Variants in PLCB4 observed in about 807,000 individuals in gnomAD.
PLCB4 encodes the protein phospholipase C beta 4, also known as 1-phosphatidylinositol 4,5-bisphosphate phosphodiesterase beta-4.
In PLCB4, 77 loss-of-function variants were observed where a neutral mutation model predicts 178.8. The ratio of observed to expected loss-of-function variants is 0.43; its 90% CI spans 0.36 to 0.52. The LOEUF (loss-of-function observed/expected upper bound fraction) is 0.52. Ranked by LOEUF, PLCB4 falls within the 20% of genes least tolerant of loss-of-function variation. The pLI is 0.00. For synonymous variants in PLCB4, 496 were observed against 490.8 expected (o/e 1.01, Z -0.14); for missense variants, 1,024 against 1,453.4 (o/e 0.70, Z 4.80).
chr20:9,478,902 C>T lies in PLCB4; in HGVS notation c.3533-19C>T, dbSNP rs1568928662. 32 of 1,597,230 alleles carry T rather than the reference C, an allele frequency of 2.0e-5. No homozygotes were observed. The highest frequency in any genetic ancestry group is 2.7e-5 in the Non-Finnish European group (32 of 1,165,008). On this transcript the variant is annotated intron_variant, in intron 39 of 39. Coordinates refer to ENST00000378473, the MANE Select transcript of PLCB4 (RefSeq NM_001377142.1). ...ATAAGGATTTCAACACACGTAAGGC[C>T]ATGTTTCTGATGTTATAGGCGAAGG...
At chr20:9,132,180 G>T (rs1367275892) in intron 2 of PLCB4, among the ~76,000 whole-genome samples, 1 of 152,160 alleles carries the variant, frequency 6.6e-6, no homozygotes, top group Non-Finnish European at 1.5e-5. Flanking sequence ...TACATGGTCT[G>T]TGCAAAAGGA....
At position 9,339,025 on chromosome 20, in the gene PLCB4, A is replaced by T. The variant is rs1023647832; in HGVS notation, c.357A>T (p.Pro119=). 1.9e-6 allele frequency: 3 copies of T among 1,612,956 alleles called. No homozygotes were observed. Residue 119 remains proline (P), a synonymous_variant, in exon 7 of 40, where the codon CCA becomes CCT. Coordinates refer to ENST00000378473, the MANE Select transcript of PLCB4 (RefSeq NM_001377142.1). ...TTACCTACATGGTGGCTGAAAATCC[A>T]GAAGTAACTAAGGTAGCTTCAGTTA... ...ISFTYMVAEN[P]EVTKQWVEGL...
intron 7 of PLCB4, among the ~76,000 whole-genome samples, chr20:9,351,584 T>A (rs2034349694): frequency 1.3e-5 from 2 of 152,200 alleles, no homozygotes; most frequent in South Asian, 4.1e-4. Flanking sequence ...CACTGTTTTC[T>A]GCTGTGTGTG....
chr20:9,300,772 C>T (rs1010249760), intron 3 of PLCB4, among the ~76,000 whole-genome samples: 2 of 152,118 alleles, frequency 1.3e-5, no homozygotes, highest in Non-Finnish European at 2.9e-5. Context: ...GCAGTCTGTA[C>T]TGCATTCCAA....
intron 3 of PLCB4, among the ~76,000 whole-genome samples, chr20:9,224,925 A>G (rs1441608027): frequency 6.6e-6 from 1 of 152,210 alleles, no homozygotes; most frequent in Non-Finnish European, 1.5e-5. Flanking sequence ...AACTAGGTGC[A>G]TAGTGAGCAT....
At chr20:9,110,662 A>T (rs1370049890) in intron 2 of PLCB4, among the ~76,000 whole-genome samples, 1 of 152,152 alleles carries the variant, frequency 6.6e-6, no homozygotes, top group East Asian at 1.9e-4. Context: ...CTGGCCTTTT[A>T]TAGATGGTCT....
intron 25 of PLCB4, 65 bp from the exon 26 acceptor site, chr20:9,419,742 C>G: frequency 1.0e-6 from 1 of 979,308 alleles, no homozygotes; most frequent in Non-Finnish European, 1.7e-6. Flanking sequence ...TCCATTGTTT[C>G]AACTAGCGAG....
At chr20:9,253,912 G>C (rs2094207011) in intron 3 of PLCB4, among the ~76,000 whole-genome samples, 1 of 152,164 alleles carries the variant, frequency 6.6e-6, no homozygotes, top group Non-Finnish European at 1.5e-5. Flanking sequence ...AAAAATAAGT[G>C]CTCCTCTGTT....
chr20:9,079,862 A>G (rs541474343), intron 1 of PLCB4, among the ~76,000 whole-genome samples: 1 of 152,152 alleles, frequency 6.6e-6, no homozygotes, highest in African/African-American at 2.4e-5. Flanking sequence ...GGAAGGGATT[A>G]TGCTTTATGC....
chr20:9,087,716 C>A (rs117219403), intron 1 of PLCB4, among the ~76,000 whole-genome samples: 1 of 152,208 alleles, frequency 6.6e-6, no homozygotes, highest in Non-Finnish European at 1.5e-5. Flanking sequence ...GGCTATTGCA[C>A]GTAGCAGGTG....
At chr20:9,140,735 GAGTAA>G (rs2146868619) in intron 2 of PLCB4, among the ~76,000 whole-genome samples, 1 of 152,090 alleles carries the variant, frequency 6.6e-6, no homozygotes, top group African/African-American at 2.4e-5. Context: ...CTTCCACCAT[GAGTAA>G]AAGCTTCCTG....
chr20:9,332,403 G>A (rs1254672678), intron 4 of PLCB4, among the ~76,000 whole-genome samples: 1 of 151,840 alleles, frequency 6.6e-6, no homozygotes, highest in African/African-American at 2.4e-5. Flanking sequence ...GTTAGTAGGA[G>A]GTGGTGAGAA....
intron 2 of PLCB4, among the ~76,000 whole-genome samples, chr20:9,216,200 G>A (rs2093729343): frequency 6.6e-6 from 1 of 151,084 alleles, no homozygotes; most frequent in Admixed American, 6.6e-5. Context: ...TTTTTTTTGA[G>A]ATGGAGTTTT....
chr20:9,160,888 A>G (rs1317251750), intron 2 of PLCB4, among the ~76,000 whole-genome samples: 1 of 152,180 alleles, frequency 6.6e-6, no homozygotes, highest in Non-Finnish European at 1.5e-5. Context: ...AATAGCATGA[A>G]AAGGACTTTT....
intron 3 of PLCB4, among the ~76,000 whole-genome samples, chr20:9,290,886 C>T (rs2147762669): frequency 6.6e-6 from 1 of 151,994 alleles, no homozygotes; most frequent in East Asian, 1.9e-4. Context: ...CTAATATAAG[C>T]TAAGAAAACA....
At chr20:9,313,931 G>A (rs2094867765) in intron 4 of PLCB4, among the ~76,000 whole-genome samples, 1 of 152,180 alleles carries the variant, frequency 6.6e-6, no homozygotes, top group Non-Finnish European at 1.5e-5. Context: ...GAGAGGAGAG[G>A]AAGGGGCAGC....
At chr20:9,222,022 ATTTATTTTATTTTGT>A (rs2093804615) in intron 3 of PLCB4, among the ~76,000 whole-genome samples, 2 of 148,348 alleles carry the variant, frequency 1.3e-5, no homozygotes, top group Non-Finnish European at 1.5e-5. Flanking sequence ...CCTTCTATTT[ATTTATTTTATTTTGT>A]TTTATTTTAT....
At chr20:9,338,155 T>C in intron 6 of PLCB4, 88 bp downstream of exon 6, 1 of 846,072 alleles carries the variant, frequency 1.2e-6, no homozygotes, top group East Asian at 2.5e-5. Context: ...AACTCACTCT[T>C]TGTATCCAGG....
chr20:9,342,860 T>G (rs902680907), intron 7 of PLCB4, among the ~76,000 whole-genome samples: 1 of 152,190 alleles, frequency 6.6e-6, no homozygotes, highest in African/African-American at 2.4e-5. Flanking sequence ...GCAACTTGCC[T>G]TTAAAGAAAT....
Sources: allele counts gnomAD v4.1 joint callset (sites outside exome capture counted in the v4.1 genomes callset), GRCh38; gene constraint gnomAD v4.1.1; transcripts MANE v1.5; gene names NCBI Gene and HGNC (gene_info 2026-07-23, HGNC 2026-07-21).